Variants in ADCK1 observed in about 807,000 individuals in gnomAD.
ADCK1 encodes aarF domain containing kinase 1.
In ADCK1, 41 loss-of-function variants were observed where a neutral mutation model predicts 52.3. The observed-to-expected ratio is 0.78, with a 90% confidence interval of 0.61 to 1.02. The LOEUF is 1.02. Ranked by LOEUF, ADCK1 falls within the 50% of genes least tolerant of loss-of-function variation. The probability of loss-of-function intolerance (pLI) is 0.00; values close to 1 mark genes in which losing one functional copy is unlikely to be tolerated. For missense variants in ADCK1, 658 were observed against 679.5 expected (o/e 0.97, Z 0.35); for synonymous variants, 250 against 274.6 (o/e 0.91, Z 0.89).
At chr14:77,916,249 G>A (rs989976484) in intron 7 of ADCK1, among the ~76,000 whole-genome samples, 1 of 151,862 alleles carries the variant, frequency 6.6e-6, no homozygotes, top group Non-Finnish European at 1.5e-5. Context: ...ACCTGCTCTG[G>A]TATCTGGGTA....
intron 4 of ADCK1, among the ~76,000 whole-genome samples, chr14:77,861,402 G>C (rs1434396399): frequency 6.6e-6 from 1 of 152,076 alleles, no homozygotes; most frequent in Non-Finnish European, 1.5e-5. Flanking sequence ...AGAAGGGTGG[G>C]TGCGTGTGGG....
chr14:77,861,672 C>A (rs984774232), intron 4 of ADCK1, among the ~76,000 whole-genome samples: 27 of 152,170 alleles, frequency 1.8e-4, no homozygotes, highest in African/African-American at 6.3e-4. Context: ...CTCAGAGATT[C>A]CATAAGTGCT....
intron 4 of ADCK1, among the ~76,000 whole-genome samples, chr14:77,886,753 A>G (rs2083156364): frequency 6.6e-6 from 1 of 152,110 alleles, no homozygotes. Context: ...TAAAAAATAC[A>G]AAGATTAGCT....
chr14:77,867,273 C>T (rs1014046221), intron 4 of ADCK1, among the ~76,000 whole-genome samples: 14 of 152,232 alleles, frequency 9.2e-5, no homozygotes, highest in Admixed American at 7.8e-4. Flanking sequence ...GTTTGTCTCC[C>T]CAGACTGTCC....
chr14:77,843,181 C>T (rs1406499117), intron 3 of ADCK1, among the ~76,000 whole-genome samples: 1 of 152,078 alleles, frequency 6.6e-6, no homozygotes. Flanking sequence ...CGTGAGTAAC[C>T]TTGTCTAGCC....
chr14:77,895,311 C>G (rs61990744), intron 5 of ADCK1, among the ~76,000 whole-genome samples: 13,635 of 152,238 alleles, frequency 0.09, 684 homozygotes, highest in African/African-American at 0.11. Flanking sequence ...ACTAAAACCT[C>G]AGAAATAGAA....
intron 4 of ADCK1, among the ~76,000 whole-genome samples, chr14:77,861,965 T>A (rs1016690274): frequency 2.0e-5 from 3 of 152,210 alleles, no homozygotes; most frequent in African/African-American, 7.2e-5. Flanking sequence ...TCTCCTTGCA[T>A]AGCATTGGCT....
At chr14:77,878,812 T>A (rs2082954987) in intron 4 of ADCK1, among the ~76,000 whole-genome samples, 1 of 152,182 alleles carries the variant, frequency 6.6e-6, no homozygotes, top group South Asian at 2.1e-4. Flanking sequence ...AAAGATTAGA[T>A]TTATGATAGC....
chr14:77,826,394 C>T (rs933213959), intron 3 of ADCK1, among the ~76,000 whole-genome samples: 2 of 152,256 alleles, frequency 1.3e-5, no homozygotes, highest in South Asian at 2.1e-4. Flanking sequence ...GCGGTGACTT[C>T]GAGCACTTTC....
At chr14:77,910,560 G>T (rs1298074866) in intron 7 of ADCK1, among the ~76,000 whole-genome samples, 1 of 152,170 alleles carries the variant, frequency 6.6e-6, no homozygotes, top group Non-Finnish European at 1.5e-5. Context: ...CCTCATCCCC[G>T]CCAGGTTCCT....
intron 2 of ADCK1, chr14:77,821,269 A>AC (rs11463912): frequency 0.86 from 130,452 of 151,978 alleles, 56,161 homozygotes; most frequent in Middle Eastern, 0.93. Context: ...CGCTTTATAA[A>AC]CAGCCACAAA....
intron 1 of ADCK1, among the ~76,000 whole-genome samples, chr14:77,813,357 C>A (rs1033826774): frequency 2.0e-5 from 3 of 152,066 alleles, no homozygotes; most frequent in African/African-American, 7.2e-5. Flanking sequence ...GTTGCCCAGG[C>A]TGGAGTGCAA....
At chr14:77,856,823 G>T (rs754311761) in intron 3 of ADCK1, among the ~76,000 whole-genome samples, 5 of 152,018 alleles carry the variant, frequency 3.3e-5, no homozygotes, top group Non-Finnish European at 7.4e-5. Context: ...GGCCAACATG[G>T]TGAAACCTCA....
chr14:77,871,064 A>G (rs1307343786), intron 4 of ADCK1, among the ~76,000 whole-genome samples: 1 of 152,220 alleles, frequency 6.6e-6, no homozygotes, highest in Non-Finnish European at 1.5e-5. Context: ...ACTGGCCAAC[A>G]TGGCCAAATG....
chr14:77,920,928 G>T (rs966543919), intron 7 of ADCK1, among the ~76,000 whole-genome samples: 9 of 152,204 alleles, frequency 5.9e-5, no homozygotes, highest in African/African-American at 2.2e-4. Context: ...GGGATTATAG[G>T]TGTGGGCCAC....
At chr14:77,858,179 A>G (rs1201224682) in intron 3 of ADCK1, among the ~76,000 whole-genome samples, 2 of 152,168 alleles carry the variant, frequency 1.3e-5, no homozygotes, top group East Asian at 1.9e-4. Flanking sequence ...AGTTTGCTGC[A>G]CTAAAGAGCC....
intron 3 of ADCK1, among the ~76,000 whole-genome samples, chr14:77,831,960 T>A (rs2081861025): frequency 6.6e-6 from 1 of 151,442 alleles, no homozygotes; most frequent in African/African-American, 2.4e-5. Flanking sequence ...GAAGTAGAGT[T>A]CTGTAAAGGT....
intron 3 of ADCK1, among the ~76,000 whole-genome samples, chr14:77,858,142 C>T (rs2082462111): frequency 6.6e-6 from 1 of 152,210 alleles, no homozygotes; most frequent in African/African-American, 2.4e-5. Context: ...ACAGTGACTC[C>T]TCCAGTTAAT....
At chr14:77,866,340 T>C (rs2082659971) in intron 4 of ADCK1, among the ~76,000 whole-genome samples, 1 of 152,226 alleles carries the variant, frequency 6.6e-6, no homozygotes, top group Admixed American at 6.5e-5. Flanking sequence ...ATGCGGCACA[T>C]GACTGTACTG....
Sources: gnomAD v4.1 joint callset for allele counts (sites outside exome capture counted in the v4.1 genomes callset) on GRCh38, gnomAD v4.1.1 for gene constraint, MANE v1.5 for transcripts, NCBI Gene and HGNC (gene_info 2026-07-23, HGNC 2026-07-21) for gene names.